Variants in CFAP61 observed in about 807,000 individuals in gnomAD.
CFAP61 encodes the protein cilia and flagella associated protein 61.
A neutral mutation model predicts 135.6 loss-of-function variants in CFAP61; 107 were observed. That is an observed-to-expected ratio of 0.79 (90% CI 0.67 to 0.93). The LOEUF (loss-of-function observed/expected upper bound fraction) is 0.93. CFAP61 is among the 40% of genes least tolerant of loss of function. The pLI is 0.00. For missense variants in CFAP61, 1,507 were observed against 1,556.2 expected (o/e 0.97, Z 0.53); for synonymous variants, 575 against 578.5 (o/e 0.99, Z 0.09).
At chr20:20,317,295 T>C (rs1210206487) in intron 25 of CFAP61, among the ~76,000 whole-genome samples, 1 of 152,142 alleles carries the variant, frequency 6.6e-6, no homozygotes, top group Non-Finnish European at 1.5e-5. Context: ...AGCTTTCAGA[T>C]CTGAATCACC....
intron 25 of CFAP61, among the ~76,000 whole-genome samples, chr20:20,318,245 C>A (rs1236747488): frequency 6.6e-6 from 1 of 152,170 alleles, no homozygotes; most frequent in Non-Finnish European, 1.5e-5. Flanking sequence ...GAAGTGCCAA[C>A]TTAGGCCTGT....
intron 2 of CFAP61, among the ~76,000 whole-genome samples, chr20:20,069,323 CA>C (rs138427531): frequency 0.014 from 2,192 of 152,262 alleles, 44 homozygotes; most frequent in African/African-American, 0.05. Context: ...CTCTGTTGTC[CA>C]GGCTGGAGTA....
chr20:20,281,893 GT>G (rs1052492731), intron 22 of CFAP61, among the ~76,000 whole-genome samples: 1 of 152,158 alleles, frequency 6.6e-6, no homozygotes, highest in Non-Finnish European at 1.5e-5. Context: ...TGGGCATGGA[GT>G]TTATATTGTT....
chr20:20,081,941 T>C (rs2046459880), intron 6 of CFAP61, among the ~76,000 whole-genome samples: 1 of 152,226 alleles, frequency 6.6e-6, no homozygotes, highest in Non-Finnish European at 1.5e-5. Flanking sequence ...TGGCAGTCAG[T>C]GCCTTTGCCT....
rs772947799 is a variant in CFAP61 at position 20,277,304 on chromosome 20, C to T, written c.2642C>T (p.Ser881Leu). ...ACCATCACCTGCATCAACAACTACT[C>T]GGTGGAGAGCGCCGTGGCGGACGCG... ...ASTITCINNY[S>L]VESAVADALG... The change falls in exon 22 of 27, where the codon TCG (serine) becomes TTG (leucine). Residue 881 changes from serine to leucine, a missense_variant. Physicochemically the swap from Ser to Leu is moderately radical, Grantham distance 145. Coordinates refer to ENST00000245957, the MANE Select transcript of CFAP61 (RefSeq NM_015585.4). 5 of 1,614,186 alleles carry T rather than the reference C, an allele frequency of 3.1e-6. 1 individual carries two copies. Among genetic ancestry groups the T allele is most frequent in the East Asian group, 4.5e-5 (2 of 44,886 alleles).
At chr20:20,323,739 T>C (rs6112863) in intron 25 of CFAP61, among the ~76,000 whole-genome samples, 75,519 of 151,980 alleles carry the variant, frequency 0.5, 19,090 homozygotes, top group African/African-American at 0.58. Context: ...GAGCCCAACA[T>C]GGGGGTTGTG....
intron 9 of CFAP61, among the ~76,000 whole-genome samples, chr20:20,158,791 C>T (rs4536716): frequency 0.9 from 137,298 of 152,234 alleles, 62,725 homozygotes; most frequent in Middle Eastern, 0.99. Context: ...GCTTGGGGGG[C>T]GATGTGTCAT....
chr20:20,194,810 G>A (rs1168981301), intron 15 of CFAP61, among the ~76,000 whole-genome samples: 1 of 152,134 alleles, frequency 6.6e-6, no homozygotes, highest in Non-Finnish European at 1.5e-5. Flanking sequence ...TTCACCTAGT[G>A]GTAGGGTTTC....
chr20:20,067,237 C>G (rs1362843325), intron 2 of CFAP61, among the ~76,000 whole-genome samples: 2 of 151,940 alleles, frequency 1.3e-5, no homozygotes, highest in Admixed American at 6.6e-5. Context: ...AGGGCTCCTT[C>G]AGTTTGGATT....
At chr20:20,088,332 A>G (rs2046949178) in intron 6 of CFAP61, among the ~76,000 whole-genome samples, 1 of 152,182 alleles carries the variant, frequency 6.6e-6, no homozygotes, top group South Asian at 2.1e-4. Flanking sequence ...CTGAGACTAG[A>G]CTATTTATGA....
chr20:20,215,546 G>A (rs2047990038), intron 17 of CFAP61, among the ~76,000 whole-genome samples: 1 of 152,024 alleles, frequency 6.6e-6, no homozygotes, highest in Non-Finnish European at 1.5e-5. Flanking sequence ...GATACTCAGG[G>A]GATTTTGTTG....
chr20:20,245,217 C>A (rs191799147), intron 18 of CFAP61, among the ~76,000 whole-genome samples: 24 of 152,344 alleles, frequency 1.6e-4, no homozygotes, highest in Admixed American at 1.5e-3. Flanking sequence ...TCAGCAGCGC[C>A]CCACTCTACT....
chr20:20,096,300 G>A (rs2047563912), intron 7 of CFAP61, among the ~76,000 whole-genome samples: 1 of 152,188 alleles, frequency 6.6e-6, no homozygotes, highest in Non-Finnish European at 1.5e-5. Context: ...CTCTGTTGTA[G>A]TCTGTAATTG....
chr20:20,067,213 G>T (rs1345276610), intron 2 of CFAP61, among the ~76,000 whole-genome samples: 1 of 152,104 alleles, frequency 6.6e-6, no homozygotes, highest in Non-Finnish European at 1.5e-5. Flanking sequence ...GTGTGTATGT[G>T]TGTGTGTGTT....
rs1277233037 is a variant in CFAP61 at position 20,106,000 on chromosome 20, C to CTATACATATATATATATATATATA, written c.859+7190_859+7191insCATATATATATATATATATATATA. On this transcript the variant is annotated intron_variant, in intron 8 of 26. Transcript: ENST00000245957. ...CTTCGAAAGCTTTAGCTACTCTTGCCTATATATATATATATATATATATAT... is the reference window on the plus strand; with the variant it reads ...CTTCGAAAGCTTTAGCTACTCTTGCCTATACATATATATATATATATATATATATATATATATATATATATATAT... Among the ~76,000 whole-genome samples, 3 of 102,644 alleles carry CTATACATATATATATATATATATA rather than the reference C, an allele frequency of 2.9e-5. 1 individual carries two copies. Among genetic ancestry groups the CTATACATATATATATATATATATA allele is most frequent in the Non-Finnish European group, 5.7e-5 (3 of 53,026 alleles). 67.3% of individuals were successfully genotyped at this position (102,644 alleles called of 152,430 possible).
intron 23 of CFAP61, among the ~76,000 whole-genome samples, chr20:20,289,760 A>G (rs2054869404): frequency 6.6e-6 from 1 of 152,258 alleles, no homozygotes; most frequent in South Asian, 2.1e-4. Context: ...TGGTGGCCGT[A>G]GGCAGGCAAG....
rs372399045 is a variant in CFAP61, at chr20:20,121,803, A to G, written c.860-21054A>G. Among the ~76,000 whole-genome samples the G allele has an allele frequency of 2.6e-5, 4 of 152,254 alleles. 1 individual carries two copies. Among genetic ancestry groups the G allele is most frequent in the African/African-American group, 7.2e-5 (3 of 41,566 alleles). ...GCCACTGCACCTAGCTGATAAGTAC[A>G]GGCTTTCAACTGCCATTTTGTTGCT... is the stretch of plus-strand genomic sequence containing the variant. On this transcript the variant is annotated intron_variant, in intron 8 of 26. Transcript: ENST00000245957.
At chr20:20,302,508 G>A (rs1050971111) in intron 25 of CFAP61, among the ~76,000 whole-genome samples, 18 of 152,114 alleles carry the variant, frequency 1.2e-4, no homozygotes, top group East Asian at 7.7e-4. Flanking sequence ...CTAAAAATAC[G>A]AAAATTAACT....
intron 15 of CFAP61, among the ~76,000 whole-genome samples, chr20:20,194,388 T>C (rs2056140215): frequency 6.6e-6 from 1 of 152,234 alleles, no homozygotes. Flanking sequence ...TTTCTTGTTC[T>C]CTTATTGTTC....
Sources: gnomAD v4.1 joint callset for allele counts (sites outside exome capture counted in the v4.1 genomes callset) on GRCh38, gnomAD v4.1.1 for gene constraint, MANE v1.5 for transcripts, NCBI Gene and HGNC (gene_info 2026-07-23, HGNC 2026-07-21) for gene names.